The following GALNS variants were observed in gnomAD, a reference collection of about 807,000 sequenced individuals.
GALNS encodes N-acetylgalactosamine-6-sulfatase.
A neutral mutation model predicts 65.9 loss-of-function variants in GALNS; 65 were observed. That is an observed-to-expected ratio of 0.99 (90% CI 0.81 to 1.21). The LOEUF (loss-of-function observed/expected upper bound fraction) is 1.21. GALNS is among the 50% of genes most tolerant of loss of function. The pLI is 0.00. For synonymous variants in GALNS, 346 were observed against 288.9 expected (o/e 1.20, Z -2.00); for missense variants, 776 against 700.7 (o/e 1.11, Z -1.21).
chr16:88,815,644 G>A (rs1313243567), intron 13 of GALNS: 27 of 985,344 alleles, frequency 2.7e-5, no homozygotes, highest in Admixed American at 6.1e-5. Context: ...CACGTCAGAC[G>A]CCGCATGGCC....
intron 9 of GALNS, among the ~76,000 whole-genome samples, chr16:88,831,229 C>G (rs1567526206): frequency 6.6e-6 from 1 of 150,784 alleles, no homozygotes; most frequent in South Asian, 2.1e-4. Context: ...AGGCCGAGCA[C>G]GGGGTGCGTG....
At chr16:88,823,304 G>A (rs951049886) in intron 11 of GALNS, among the ~76,000 whole-genome samples, 1 of 152,236 alleles carries the variant, frequency 6.6e-6, no homozygotes, top group African/African-American at 2.4e-5. Context: ...CAGACCCAGG[G>A]AGCTGACACA....
rs769022586 is a variant in GALNS, at chr16:88,842,670, C to T, written c.244+36G>A. 5 of 1,609,092 alleles carry T rather than the reference C, an allele frequency of 3.1e-6. No homozygotes were observed. In the Admixed American group the frequency reaches 8.4e-5, roughly 27 times the overall value. On this transcript the variant is annotated intron_variant, in intron 2 of 13. Coordinates refer to ENST00000268695, the MANE Select transcript of GALNS (RefSeq NM_000512.5). Reference sequence around the variant, plus strand: ...CCGGGAGGCCTCGGCCTGTTGGGCTCACCCCTTCCTGGGGGCGAGGGCCCC... The same window carrying T: ...CCGGGAGGCCTCGGCCTGTTGGGCTTACCCCTTCCTGGGGGCGAGGGCCCC...
At chr16:88,851,142 A>C (rs2143009228) in intron 1 of GALNS, among the ~76,000 whole-genome samples, 1 of 152,250 alleles carries the variant, frequency 6.6e-6, no homozygotes, top group East Asian at 1.9e-4. Flanking sequence ...CTCCCTGCAG[A>C]GTGAGCAGGT....
At chr16:88,822,087 C>T (rs1000703074) in intron 12 of GALNS, among the ~76,000 whole-genome samples, 22 of 152,146 alleles carry the variant, frequency 1.4e-4, no homozygotes, top group African/African-American at 5.3e-4. Context: ...CTGGTACTGG[C>T]GACCATGACC....
At chr16:88,835,448 A>C (rs1158931453) in intron 7 of GALNS, 96 bp from the exon 8 acceptor site, 3 of 1,501,494 alleles carry the variant, frequency 2.0e-6, no homozygotes, top group African/African-American at 1.4e-5. Flanking sequence ...GAGTTCATTA[A>C]ATCATAACTT....
chr16:88,848,215 G>A (rs1489739971), intron 1 of GALNS, among the ~76,000 whole-genome samples: 1 of 152,220 alleles, frequency 6.6e-6, no homozygotes, highest in African/African-American at 2.4e-5. Flanking sequence ...ATCAGGGCTG[G>A]GGCTTCCTTC....
At chr16:88,825,857 C>T (rs1246483650) in intron 10 of GALNS, among the ~76,000 whole-genome samples, 8 of 152,154 alleles carry the variant, frequency 5.3e-5, no homozygotes, top group East Asian at 3.8e-4. Flanking sequence ...TCCCTCTACC[C>T]GGCCCCAGAT....
chr16:88,816,171 C>T (rs1909603084), intron 13 of GALNS: 1 of 985,282 alleles, frequency 1.0e-6, no homozygotes, highest in Non-Finnish European at 1.2e-6. Flanking sequence ...GGGGGCAGTT[C>T]CCCCAGTGCC....
intron 10 of GALNS, among the ~76,000 whole-genome samples, chr16:88,825,453 C>T (rs1289503720): frequency 6.0e-5 from 8 of 132,756 alleles, no homozygotes; most frequent in South Asian, 4.7e-4. Flanking sequence ...AGTGCCTGGG[C>T]GGCCAGGGCT....
intron 1 of GALNS, chr16:88,855,737 A>T: frequency 1.8e-6 from 1 of 567,066 alleles, no homozygotes; most frequent in Non-Finnish European, 3.1e-6. Flanking sequence ...CACTACCAGC[A>T]CCTTCCAATT....
rs138813451 is a variant in GALNS at position 88,842,327 on chromosome 16, CAT to C, written c.245-358_245-357del. 3,745 of 510,592 alleles carry C rather than the reference CAT, an allele frequency of 7.3e-3. 105 individuals carry two copies. Among genetic ancestry groups the C allele is most frequent in the African/African-American group, 0.061 (3,163 of 51,994 alleles). 31.6% of individuals were successfully genotyped at this position (510,592 alleles called of 1,614,324 possible). A position where few individuals can be genotyped will look rare whatever the true frequency, so the allele number is the denominator to read the frequency against. On this transcript the variant is annotated intron_variant, in intron 2 of 13. Transcript: ENST00000268695. Reference sequence around the variant, plus strand: ...CTCCTCTTCCTCACGATCAACACCACATGTTTCTGTCTCCAGCAGGAGAGACT... The same window carrying C: ...CTCCTCTTCCTCACGATCAACACCACGTTTCTGTCTCCAGCAGGAGAGACT...
intron 3 of GALNS, 24 bp from the exon 4 acceptor site, chr16:88,841,118 C>A (rs757232671): frequency 3.8e-6 from 6 of 1,590,538 alleles, no homozygotes; most frequent in African/African-American, 2.7e-5. Flanking sequence ...GCTGGGTGAG[C>A]CCCGAGGAGA....
chr16:88,840,959 G>A (rs1340343390), intron 4 of GALNS, 33 bp downstream of exon 4: 1 of 1,520,320 alleles, frequency 6.6e-7, no homozygotes, highest in East Asian at 2.3e-5. Context: ...GGATGGAGCA[G>A]GACGCCTGGG....
In GALNS at chr16:88,817,989, C is replaced by T. The variant is rs1470856967; in HGVS notation, c.1482+18G>A. 3 of 1,559,732 alleles carry T rather than the reference C, an allele frequency of 1.9e-6. No homozygotes were observed. The highest frequency in any genetic ancestry group is 2.7e-5 in the African/African-American group (2 of 73,706). On this transcript the variant is annotated intron_variant, in intron 13 of 13. Coordinates refer to ENST00000268695, the MANE Select transcript of GALNS (RefSeq NM_000512.5). ...CAGCCCCGGCAAAGAGACGGCCGCC[C>T]ACACACCAGCCACTTACCATGACCG...
intron 1 of GALNS, chr16:88,845,178 T>G (rs1219523642): frequency 6.6e-6 from 1 of 151,862 alleles, no homozygotes; most frequent in African/African-American, 2.4e-5. Context: ...AAACCCCGCC[T>G]CTACTAAAAA....
intron 9 of GALNS, chr16:88,827,079 T>C: frequency 1.7e-6 from 1 of 591,968 alleles, no homozygotes; most frequent in Non-Finnish European, 3.0e-6. Flanking sequence ...CACCCTTCTC[T>C]GCCTCTGTGG....
Position 88,831,874 on chromosome 16 carries a change from G to A in GALNS, c.1002+124C>T, listed in dbSNP as rs894463482. The stretch of plus-strand genomic sequence containing the variant: ...GTGGAGGCTGAGCACAGGGTGCGTG[G>A]GGAGGAGAGCGGTGAGGATGAGCAC... On this transcript the variant is annotated intron_variant, in intron 9 of 13. Coordinates refer to ENST00000268695, the MANE Select transcript of GALNS (RefSeq NM_000512.5). The A allele has an allele frequency of 3.1e-4, 243 of 787,072 alleles. No individual in the cohort carries two copies. In the Middle Eastern group the frequency reaches 4.4e-3, roughly 14 times the overall value. The allele number at this position is 787,072 out of a possible 1,614,324, so 48.8% of individuals were successfully genotyped here. A position where few individuals can be genotyped will look rare whatever the true frequency, so the allele number is the denominator to read the frequency against.
intron 8 of GALNS, among the ~76,000 whole-genome samples, chr16:88,833,261 G>A (rs1236342241): frequency 6.6e-6 from 1 of 151,980 alleles, no homozygotes. Context: ...GGGCAAACAC[G>A]CCAACACCCG....
Sources: allele counts gnomAD v4.1 joint callset (sites outside exome capture counted in the v4.1 genomes callset), GRCh38; gene constraint gnomAD v4.1.1; transcripts MANE v1.5; gene names NCBI Gene and HGNC (gene_info 2026-07-23, HGNC 2026-07-21).